Variants in EPCAM observed in about 807,000 individuals in gnomAD.
EPCAM encodes epithelial cell adhesion molecule, also known as adenocarcinoma-associated antigen.
EPCAM carries 39 observed loss-of-function variants against 40.0 expected under a neutral mutation model. The ratio of observed to expected loss-of-function variants is 0.98; its 90% confidence interval spans 0.76 to 1.27. EPCAM has a LOEUF of 1.27. EPCAM is among the 50% of genes most tolerant of loss of function. The pLI, the probability that EPCAM is intolerant of heterozygous loss-of-function variation, is 0.00. For missense variants in EPCAM, 503 were observed against 381.2 expected (o/e 1.32, Z -2.66); for synonymous variants, 168 against 132.3 (o/e 1.27, Z -1.85).
Position 47,373,956 on chromosome 2 carries a change from C to A in EPCAM, c.333C>A (p.Asn111Lys), listed in dbSNP as rs533825372. The change falls in exon 3 of 9, where the codon AAC (asparagine) becomes AAA (lysine). Residue 111 changes from asparagine (N) to lysine (K), a missense_variant. Asn to Lys is a moderately conservative substitution (Grantham distance 94, BLOSUM62 0). Coordinates refer to ENST00000263735, the MANE Select transcript of EPCAM (RefSeq NM_002354.3). ...GGCTCTTTAAGGCCAAGCAGTGCAACGGCACCTCCATGTGCTGGTGTGTGA... is the reference window on the plus strand; with the variant it reads ...GGCTCTTTAAGGCCAAGCAGTGCAAAGGCACCTCCATGTGCTGGTGTGTGA... ...ESGLFKAKQCNGTSMCWCVNT... is the reference protein window; with the variant it reads ...ESGLFKAKQCKGTSMCWCVNT... The A allele has an allele frequency of 6.2e-7, 1 of 1,614,000 alleles. No individual in the cohort carries two copies. The highest frequency in any genetic ancestry group is 1.7e-5 in the Admixed American group (1 of 59,984).
At chr2:47,375,333 A>T (rs768895471) in intron 4 of EPCAM, 34 bp downstream of exon 4, 1 of 1,377,354 alleles carries the variant, frequency 7.3e-7, no homozygotes, top group South Asian at 1.2e-5. Context: ...ATTCTTGCAC[A>T]GTTGGTGGCT....
chr2:47,374,598 C>T (rs560029806), intron 3 of EPCAM, among the ~76,000 whole-genome samples: 2 of 152,132 alleles, frequency 1.3e-5, no homozygotes, highest in East Asian at 3.9e-4. Flanking sequence ...GCCTCGTTGT[C>T]AGTTTTCTCT....
intron 7 of EPCAM, among the ~76,000 whole-genome samples, chr2:47,380,721 A>G (rs1475673223): frequency 1.3e-5 from 2 of 152,244 alleles, no homozygotes; most frequent in Non-Finnish European, 2.9e-5. Context: ...ACAGTGCTTC[A>G]GCAAAAGAAT....
chr2:47,369,730 C>T (rs1482428245), intron 1 of EPCAM, 149 bp downstream of exon 1: 5 of 851,742 alleles, frequency 5.9e-6, no homozygotes, highest in Non-Finnish European at 9.8e-6. Context: ...GGCCGTGCTC[C>T]GGCTCAGGCC....
chr2:47,379,172 G>A (rs1229649846), intron 6 of EPCAM, 118 bp downstream of exon 6: 6 of 696,262 alleles, frequency 8.6e-6, no homozygotes, highest in African/African-American at 1.8e-5. Context: ...GTTCGCTGCT[G>A]CCGTTAATTT....
chr2:47,369,795 G>C, intron 1 of EPCAM: 1 of 688,270 alleles, frequency 1.5e-6, no homozygotes. Context: ...TCACTTCGCA[G>C]CTTTGCTCGC....
intron 5 of EPCAM, among the ~76,000 whole-genome samples, chr2:47,378,168 C>G (rs1671477540): frequency 6.6e-6 from 1 of 152,064 alleles, no homozygotes; most frequent in Non-Finnish European, 1.5e-5. Flanking sequence ...AGAGGCGGAG[C>G]TTGCAGTCAG....
chr2:47,374,158 A>C, intron 3 of EPCAM, 110 bp downstream of exon 3: 1 of 1,328,690 alleles, frequency 7.5e-7, no homozygotes, highest in Non-Finnish European at 1.0e-6. Flanking sequence ...AGAAGATATG[A>C]GTGTCCAGTG....
At chr2:47,372,591 C>CT (rs1263936468) in intron 1 of EPCAM, among the ~76,000 whole-genome samples, 1 of 152,000 alleles carries the variant, frequency 6.6e-6, no homozygotes, top group East Asian at 1.9e-4. Flanking sequence ...GGCCATTATG[C>CT]TGAAACCCCG....
intron 7 of EPCAM, among the ~76,000 whole-genome samples, chr2:47,384,290 G>A (rs1016451010): frequency 5.3e-5 from 8 of 151,940 alleles, no homozygotes; most frequent in African/African-American, 1.9e-4. Context: ...CTTTAGTAGA[G>A]ATGAGGTTTC....
chr2:47,379,203 T>G, intron 6 of EPCAM, 149 bp downstream of exon 6: 1 of 647,738 alleles, frequency 1.5e-6, no homozygotes, highest in Non-Finnish European at 2.8e-6. Context: ...GTCACTCACA[T>G]GCATCTTGCT....
intron 6 of EPCAM, among the ~76,000 whole-genome samples, chr2:47,379,474 G>C (rs947440385): frequency 6.6e-6 from 1 of 152,112 alleles, no homozygotes; most frequent in Non-Finnish European, 1.5e-5. Flanking sequence ...TAATCTGGGC[G>C]GGGGTGAAAG....
rs878854497 is a variant in EPCAM, at chr2:47,386,589, G to A, written c.921G>A (p.Glu307=). Residue 307 remains glutamate (E), a synonymous_variant, in exon 9 of 9, where the codon GAG becomes GAA. Transcript: ENST00000263735. ...YEKAEIKEMG[E]MHRELNA ...TGTTTCAGATAAAGGAGATGGGTGA[G>A]ATGCATAGGGAACTCAATGCATAAC... The A allele has an allele frequency of 1.9e-6, 3 of 1,607,114 alleles. No homozygotes were observed. The highest frequency in any genetic ancestry group is 2.6e-6 in the Non-Finnish European group (3 of 1,174,846).
chr2:47,378,558 T>C (rs1289034612), intron 5 of EPCAM, among the ~76,000 whole-genome samples: 1 of 152,096 alleles, frequency 6.6e-6, no homozygotes, highest in Non-Finnish European at 1.5e-5. Context: ...CACCTCAGCC[T>C]CCCAAAGTGC....
At chr2:47,372,509 G>T (rs145271299) in intron 1 of EPCAM, among the ~76,000 whole-genome samples, 1 of 151,902 alleles carries the variant, frequency 6.6e-6, no homozygotes, top group Non-Finnish European at 1.5e-5. Context: ...CGCGGTGGCT[G>T]ACACCTGTAA....
At chr2:47,373,768 T>A (rs1482836526) in intron 2 of EPCAM, 40 bp from the exon 3 acceptor site, 1 of 1,613,084 alleles carries the variant, frequency 6.2e-7, no homozygotes, top group Non-Finnish European at 8.5e-7. Flanking sequence ...AATCATGAAA[T>A]CAGTTATTTT....
chr2:47,384,948 C>T (rs1671701058), intron 7 of EPCAM, among the ~76,000 whole-genome samples: 1 of 152,148 alleles, frequency 6.6e-6, no homozygotes, highest in South Asian at 2.1e-4. Flanking sequence ...CTCAGATGAT[C>T]TTCCCGCTTC....
chr2:47,382,022 C>G (rs1390668828), intron 7 of EPCAM, among the ~76,000 whole-genome samples: 1 of 152,140 alleles, frequency 6.6e-6, no homozygotes, highest in Non-Finnish European at 1.5e-5. Flanking sequence ...TTTGGCTTAG[C>G]CTCCCAAACT....
chr2:47,373,892 A>G lies in EPCAM; in HGVS notation c.269A>G (p.Asn90Ser), dbSNP rs587780764. The G allele has an allele frequency of 2.9e-5, 47 of 1,614,048 alleles. No individual in the cohort carries two copies. The highest frequency in any genetic ancestry group is 3.9e-5 in the Non-Finnish European group (46 of 1,180,038). ...RRAKPEGALQ[N>S]NDGLYDPDCD... ...GCAAAACCTGAAGGGGCCCTCCAGA[A>G]CAATGATGGGCTTTATGATCCTGAC... The change falls in exon 3 of 9, where the codon AAC becomes AGC. Residue 90 changes from asparagine (N) to serine (S), a missense_variant. Asn to Ser is a conservative substitution (Grantham distance 46). Coordinates refer to ENST00000263735, the MANE Select transcript of EPCAM (RefSeq NM_002354.3).
Sources: allele counts gnomAD v4.1 joint callset (sites outside exome capture counted in the v4.1 genomes callset), GRCh38; gene constraint gnomAD v4.1.1; transcripts MANE v1.5; gene names NCBI Gene and HGNC (gene_info 2026-07-23, HGNC 2026-07-21).